Variants in PLA2G4F observed in about 807,000 individuals in gnomAD.
PLA2G4F encodes cytosolic phospholipase A2 zeta.
Under a neutral mutation model 103.1 loss-of-function variants are expected in PLA2G4F, and 105 were observed. The ratio of observed to expected loss-of-function variants is 1.02; its 90% CI spans 0.87 to 1.20. The LOEUF (loss-of-function observed/expected upper bound fraction) is 1.20. PLA2G4F is among the 50% of genes most tolerant of loss of function. The pLI is 0.00. For missense variants in PLA2G4F, 1,155 were observed against 1,075.9 expected, an observed-to-expected ratio of 1.07 and a Z score of -1.03; for synonymous variants, 468 against 441.1, an observed-to-expected ratio of 1.06 and a Z score of -0.76.
chr15:42,147,542 C>G (rs1296883426), intron 12 of PLA2G4F, 84 bp downstream of exon 12: 16 of 1,521,384 alleles, frequency 1.1e-5, no homozygotes, highest in Non-Finnish European at 1.4e-5. Flanking sequence ...CCCAGCCCCT[C>G]AGGGACTCCT....
rs1402989622 is a variant in PLA2G4F, at chr15:42,146,910, G to C, written c.1419+214C>G. The C allele has an allele frequency of 1.1e-5, 6 of 567,446 alleles. No homozygotes were observed. The South Asian group carries it at 1.3e-4, about 12-fold the overall frequency. The allele number at this position is 567,446 out of a possible 1,614,324, so 35.2% of individuals were successfully genotyped here. ...TTCTAATATGCACCCAGAGCTGAGC[G>C]CTGCGGACCAGGCTCCTCCTCCCCA... On this transcript the variant is annotated intron_variant, in intron 13 of 19. Coordinates refer to ENST00000397272, the MANE Select transcript of PLA2G4F (RefSeq NM_213600.4).
chr15:42,145,847 G>C lies in PLA2G4F; in HGVS notation c.1591C>G (p.Pro531Ala). Residue 531 changes from proline (P) to alanine (A), a missense_variant, in exon 15 of 20, where the codon CCC becomes GCC. Around this residue, in one of 3 missense-constraint regions of PLA2G4F, gnomAD observed 782 missense variants for 692.9 expected, o/e 1.13. Transcript: ENST00000397272. ...VGFPKYGAYVPTELFGSELFM... is the reference protein window; with the variant it reads ...VGFPKYGAYVATELFGSELFM... ...AGTTCTGAGCCGAAGAGCTCGGTGG[G>C]AACATAAGCCCCGTACTTGGGGAAG... 6.2e-7 allele frequency: 1 copy of C among 1,614,114 alleles called. No individual in the cohort carries two copies. Among genetic ancestry groups the C allele is most frequent in the East Asian group, 2.2e-5 (1 of 44,880 alleles).
At chr15:42,150,983 C>A (rs1243635038) in intron 7 of PLA2G4F, 4 of 985,252 alleles carry the variant, frequency 4.1e-6, no homozygotes, top group Non-Finnish European at 4.8e-6. Context: ...CTGGTCAGAA[C>A]TGGGACTCGG....
At chr15:42,153,768 G>T in intron 4 of PLA2G4F, 108 bp from the exon 5 acceptor site, 5 of 1,252,510 alleles carry the variant, frequency 4.0e-6, no homozygotes, top group Middle Eastern at 1.9e-4. Context: ...GGGGAGACTG[G>T]CATTGTGGCT....
chr15:42,142,305 C>A, intron 19 of PLA2G4F, 101 bp from the exon 20 acceptor site: 1 of 1,238,814 alleles, frequency 8.1e-7, no homozygotes. Flanking sequence ...CTGGCTGGCT[C>A]CCTGCGGGCC....
At chr15:42,151,008 A>G in intron 7 of PLA2G4F, 2 of 985,422 alleles carry the variant, frequency 2.0e-6, no homozygotes, top group Non-Finnish European at 2.4e-6. Context: ...GGTGGGAAGC[A>G]CACAAATGCC....
Position 42,144,653 on chromosome 15 carries a change from G to T in PLA2G4F, c.1781-9C>A, listed in dbSNP as rs374909215. The T allele has an allele frequency of 8.9e-6, 14 of 1,565,264 alleles. No individual in the cohort carries two copies. The African/African-American group carries it at 1.8e-4, about 20-fold the overall frequency. Reference sequence around the variant, plus strand: ...AGGCTTCTGGCAGTCGTCTAGACAGGGGCGGGACAGTGAAATAGAGGGGAA... The same window carrying T: ...AGGCTTCTGGCAGTCGTCTAGACAGTGGCGGGACAGTGAAATAGAGGGGAA... On this transcript the variant is annotated splice_polypyrimidine_tract_variant and intron_variant, in intron 16 of 19. Transcript: ENST00000397272.
At chr15:42,142,396 G>A (rs1221837982) in intron 19 of PLA2G4F, 132 bp downstream of exon 19, 6 of 1,231,814 alleles carry the variant, frequency 4.9e-6, no homozygotes, top group Non-Finnish European at 6.7e-6. Flanking sequence ...GGAGCAGAGG[G>A]CCACAGGGGC....
intron 18 of PLA2G4F, among the ~76,000 whole-genome samples, 190 bp from the exon 19 acceptor site, chr15:42,142,904 G>A (rs1210025882): frequency 6.6e-6 from 1 of 152,000 alleles, no homozygotes; most frequent in East Asian, 1.9e-4. Flanking sequence ...CTTCCGGCCG[G>A]GCATGGTGGC....
rs1369731056 is a variant in PLA2G4F at position 42,147,337 on chromosome 15, G to A, written c.1206C>T (p.Ser402=). 3.1e-6 allele frequency: 5 copies of A among 1,606,642 alleles called. No individual in the cohort carries two copies. Among genetic ancestry groups the A allele is most frequent in the Non-Finnish European group, 4.2e-6 (5 of 1,179,830 alleles). ...SGVSGSTWCI[S]TLYRDPAWSQ... ...ACCAGGCTGGGTCCCTGTAGAGTGT[G>A]GAGATGCACCTGGGGATTGGAGGTG... Residue 402 remains serine (S), a synonymous_variant, in exon 13 of 20, where the codon TCC becomes TCT. Coordinates refer to ENST00000397272, the MANE Select transcript of PLA2G4F (RefSeq NM_213600.4).
chr15:42,154,256 G>A (rs1566882416), intron 3 of PLA2G4F, 36 bp from the exon 4 acceptor site: 2 of 1,613,902 alleles, frequency 1.2e-6, no homozygotes, highest in Non-Finnish European at 8.5e-7. Context: ...CGAGCATGAG[G>A]TAGGACAGGA....
chr15:42,149,488 C>G, intron 11 of PLA2G4F: 1 of 984,814 alleles, frequency 1.0e-6, no homozygotes, highest in Non-Finnish European at 1.2e-6. Flanking sequence ...TTTAAGCCAC[C>G]TAGTCTGTGG....
chr15:42,146,006 C>A (rs1566878692), intron 14 of PLA2G4F, 103 bp from the exon 15 acceptor site: 30 of 1,587,130 alleles, frequency 1.9e-5, no homozygotes, highest in Non-Finnish European at 2.0e-5. Context: ...AAGCAGCAGC[C>A]CCGCTGTGCT....
At chr15:42,149,220 G>C (rs1472560652) in intron 11 of PLA2G4F, 1 of 939,816 alleles carries the variant, frequency 1.1e-6, no homozygotes, top group Non-Finnish European at 1.3e-6. Context: ...TTTGGAAACA[G>C]GGCCTACAAG....
Position 42,153,651 on chromosome 15 carries a change from C to T in PLA2G4F, c.460G>A (p.Glu154Lys), listed in dbSNP as rs762485923. 1.2e-6 allele frequency: 2 copies of T among 1,614,170 alleles called. No homozygotes were observed. Among genetic ancestry groups the T allele is most frequent in the East Asian group, 4.5e-5 (2 of 44,874 alleles). Residue 154 changes from glutamate to lysine, a missense_variant, in exon 5 of 20, where the codon GAG becomes AAG. By Grantham distance (56) the Glu-to-Lys change is moderately conservative. Around this residue, in one of 3 missense-constraint regions of PLA2G4F, gnomAD observed 370 missense variants for 364.9 expected, o/e 1.01. Coordinates refer to ENST00000397272, the MANE Select transcript of PLA2G4F (RefSeq NM_213600.4). ...TCCAGAACAAATTCCACCTGCAGCT[C>T]TTGTGAATCCTACATGGAGGGGGAG... ...TFPLNHQDSQ[E>K]LQVEFVLEKS...
chr15:42,147,457 G>A, intron 12 of PLA2G4F, 111 bp from the exon 13 acceptor site: 3 of 1,379,454 alleles, frequency 2.2e-6, no homozygotes, highest in Non-Finnish European at 2.0e-6. Flanking sequence ...CTGCTGCCCT[G>A]CAAACAACCC....
At chr15:42,153,973 G>A in intron 4 of PLA2G4F, 119 bp downstream of exon 4, 1 of 1,462,780 alleles carries the variant, frequency 6.8e-7, no homozygotes, top group Non-Finnish European at 9.3e-7. Context: ...AGGGCTGCGG[G>A]GTGGAGGAAG....
intron 7 of PLA2G4F, chr15:42,151,772 A>T: frequency 1.4e-6 from 1 of 695,460 alleles, no homozygotes; most frequent in South Asian, 6.4e-5. Flanking sequence ...GGTTGAGAGA[A>T]GCGGAGTGTC....
intron 11 of PLA2G4F, chr15:42,148,943 G>C: frequency 4.1e-6 from 4 of 985,380 alleles, no homozygotes; most frequent in Non-Finnish European, 4.8e-6. Context: ...CCCAATGAAC[G>C]ATCTAGCCTT....
Sources: gnomAD v4.1 joint callset for allele counts (sites outside exome capture counted in the v4.1 genomes callset) on GRCh38, gnomAD v4.1.1 for gene constraint, gnomAD v4.1.1 regional missense constraint, MANE v1.5 for transcripts, NCBI Gene and HGNC (gene_info 2026-07-23, HGNC 2026-07-21) for gene names.